The following ROR1 variants were observed in gnomAD, a reference collection of about 807,000 sequenced individuals.
ROR1 encodes inactive tyrosine-protein kinase transmembrane receptor ROR1.
Under a neutral mutation model 78.8 loss-of-function variants are expected in ROR1, and 19 were observed. That is an observed-to-expected ratio of 0.24 (90% CI 0.17 to 0.35). The LOEUF (loss-of-function observed/expected upper bound fraction) is 0.35. Among genes scored for constraint, ROR1 ranks in the 10% least tolerant of loss-of-function variants. ROR1 has a pLI of 1.00. For synonymous variants in ROR1, 386 were observed against 433.6 expected (o/e 0.89, Z 1.36); for missense variants, 917 against 1,177.8 (o/e 0.78, Z 3.24).
At chr1:63,832,375 G>A (rs1333249070) in intron 1 of ROR1, among the ~76,000 whole-genome samples, 1 of 152,188 alleles carries the variant, frequency 6.6e-6, no homozygotes. Context: ...TAATGTATAA[G>A]CAAAAGAGGT....
At chr1:63,956,109 T>A (rs968623468) in intron 1 of ROR1, among the ~76,000 whole-genome samples, 4 of 151,976 alleles carry the variant, frequency 2.6e-5, no homozygotes, top group African/African-American at 9.7e-5. Context: ...GGAGATCAGA[T>A]GAGATGGGTT....
At chr1:63,930,847 A>C (rs1645745541) in intron 1 of ROR1, among the ~76,000 whole-genome samples, 1 of 152,214 alleles carries the variant, frequency 6.6e-6, no homozygotes, top group Admixed American at 6.5e-5. Context: ...TGTACTTGAA[A>C]TGTTAATAAC....
chr1:63,847,538 C>T (rs1645088872), intron 1 of ROR1, among the ~76,000 whole-genome samples: 1 of 152,130 alleles, frequency 6.6e-6, no homozygotes, highest in Non-Finnish European at 1.5e-5. Flanking sequence ...GGATCTGAGG[C>T]AGAGGACGTG....
At chr1:63,789,674 CT>C (rs902307163) in intron 1 of ROR1, among the ~76,000 whole-genome samples, 1,481 of 102,608 alleles carry the variant, frequency 0.014, 18 homozygotes, top group African/African-American at 0.047. Context: ...CCTTCCTCTC[CT>C]TTTTTTTTTT....
At chr1:64,104,008 A>G (rs1420920423) in intron 4 of ROR1, among the ~76,000 whole-genome samples, 1 of 152,148 alleles carries the variant, frequency 6.6e-6, no homozygotes, top group Non-Finnish European at 1.5e-5. Context: ...ATGCTGCTAA[A>G]TATCGTACAG....
intron 2 of ROR1, among the ~76,000 whole-genome samples, chr1:64,044,025 T>G (rs78097984): frequency 0.015 from 2,329 of 152,326 alleles, 36 homozygotes; most frequent in Non-Finnish European, 0.025. Context: ...TTTCCTACAT[T>G]GTAAAGGTAA....
At chr1:63,905,397 TAAC>T (rs1031027534) in intron 1 of ROR1, among the ~76,000 whole-genome samples, 1 of 152,214 alleles carries the variant, frequency 6.6e-6, no homozygotes, top group Non-Finnish European at 1.5e-5. Flanking sequence ...CCCAGGATAT[TAAC>T]AAGTTTTAAA....
At chr1:64,082,199 G>A (rs541787070) in intron 4 of ROR1, among the ~76,000 whole-genome samples, 2 of 152,256 alleles carry the variant, frequency 1.3e-5, no homozygotes, top group East Asian at 3.9e-4. Flanking sequence ...GAATGGATGA[G>A]GAAGACAAGC....
At chr1:63,818,311 G>A (rs911214611) in intron 1 of ROR1, among the ~76,000 whole-genome samples, 10 of 152,116 alleles carry the variant, frequency 6.6e-5, no homozygotes, top group South Asian at 2.1e-4. Context: ...TTTTTCTTTC[G>A]CAGAGGCCCT....
chr1:64,139,164 CAAAAAAA>C (rs755368714), intron 5 of ROR1, among the ~76,000 whole-genome samples: 29 of 20,660 alleles, frequency 1.4e-3, no homozygotes, highest in East Asian at 3.2e-3. Flanking sequence ...GAGACTGTCT[CAAAAAAA>C]AAAAAAAAAA....
intron 1 of ROR1, among the ~76,000 whole-genome samples, chr1:63,964,844 G>C (rs1646060457): frequency 6.6e-6 from 1 of 152,120 alleles, no homozygotes; most frequent in African/African-American, 2.4e-5. Flanking sequence ...TGGTTATGTG[G>C]GCCAGAGGCA....
At chr1:63,806,665 G>A (rs1016574805) in intron 1 of ROR1, among the ~76,000 whole-genome samples, 7 of 152,056 alleles carry the variant, frequency 4.6e-5, no homozygotes, top group African/African-American at 1.7e-4. Context: ...TTTTGTTTTT[G>A]TTTTGGCCTC....
At chr1:63,786,366 G>A (rs1423492445) in intron 1 of ROR1, among the ~76,000 whole-genome samples, 2 of 135,616 alleles carry the variant, frequency 1.5e-5, no homozygotes, top group African/African-American at 2.7e-5. Flanking sequence ...TCCGCCTCCC[G>A]GGTTCACGCC....
intron 1 of ROR1, among the ~76,000 whole-genome samples, chr1:63,886,251 T>C (rs1257196732): frequency 2.0e-5 from 3 of 152,306 alleles, no homozygotes; most frequent in Non-Finnish European, 2.9e-5. Context: ...GCTCACCTCC[T>C]GCTGTGCAAC....
chr1:64,091,030 C>A (rs1371438734), intron 4 of ROR1, among the ~76,000 whole-genome samples: 1 of 152,106 alleles, frequency 6.6e-6, no homozygotes, highest in Non-Finnish European at 1.5e-5. Context: ...AAGTTAAATA[C>A]TTTTTTAAAG....
chr1:63,992,732 A>G (rs193207485), intron 1 of ROR1, among the ~76,000 whole-genome samples: 5 of 152,330 alleles, frequency 3.3e-5, no homozygotes, highest in Non-Finnish European at 7.3e-5. Context: ...AAATGAAGAT[A>G]ATAACACATC....
chr1:63,879,489 C>T (rs1352292450), intron 1 of ROR1, among the ~76,000 whole-genome samples: 1 of 152,028 alleles, frequency 6.6e-6, no homozygotes, highest in Admixed American at 6.6e-5. Context: ...GGACCCCTTT[C>T]CTTTCTGGCA....
At chr1:64,006,934 T>C (rs1437890222) in intron 1 of ROR1, among the ~76,000 whole-genome samples, 1 of 152,126 alleles carries the variant, frequency 6.6e-6, no homozygotes, top group African/African-American at 2.4e-5. Flanking sequence ...TCAGTGACGA[T>C]GACATGTGGC....
At chr1:64,020,909 A>G (rs571427961) in intron 2 of ROR1, among the ~76,000 whole-genome samples, 2 of 152,290 alleles carry the variant, frequency 1.3e-5, no homozygotes, top group East Asian at 1.9e-4. Flanking sequence ...CTGTAGGGTC[A>G]TGAGAAGCTC....
Sources: gnomAD v4.1 joint callset for allele counts (sites outside exome capture counted in the v4.1 genomes callset) on GRCh38, gnomAD v4.1.1 for gene constraint, MANE v1.5 for transcripts, NCBI Gene and HGNC (gene_info 2026-07-23, HGNC 2026-07-21) for gene names.